TET3: variants seen among roughly 807,000 people sequenced by gnomAD.
TET3 encodes the protein tet methylcytosine dioxygenase 3.
A neutral mutation model predicts 141.4 loss-of-function variants in TET3; 19 were observed. That is an observed-to-expected ratio of 0.13 (90% CI 0.09 to 0.20). The LOEUF is 0.20. Among genes scored for constraint, TET3 ranks in the 10% least tolerant of loss-of-function variants. TET3 has a pLI of 1.00. For missense variants in TET3, 1,874 were observed against 2,356.9 expected, an observed-to-expected ratio of 0.80 and a Z score of 4.24; for synonymous variants, 1,043 against 980.9, an observed-to-expected ratio of 1.06 and a Z score of -1.18.
chr2:74,098,954 C>T (rs1282132592), intron 10 of TET3, among the ~76,000 whole-genome samples: 3 of 152,180 alleles, frequency 2.0e-5, no homozygotes, highest in Admixed American at 6.5e-5. Context: ...GGTGCTGTGG[C>T]GTCAGTGCTA....
chr2:74,022,563 C>A (rs1472612257), intron 3 of TET3, among the ~76,000 whole-genome samples: 5 of 149,584 alleles, frequency 3.3e-5, no homozygotes, highest in Admixed American at 6.7e-5. Flanking sequence ...AGTAGTTAAT[C>A]GGTTTATTAT....
At chr2:73,992,370 A>G (rs1558691924) in intron 2 of TET3, among the ~76,000 whole-genome samples, 1 of 149,908 alleles carries the variant, frequency 6.7e-6, no homozygotes, top group Non-Finnish European at 1.5e-5. Context: ...CTGGACTGCA[A>G]TGGCGTGATC....
chr2:74,115,574 T>A, the TET3 span, among the ~76,000 whole-genome samples: 1 of 152,162 alleles, frequency 6.6e-6, no homozygotes, highest in African/African-American at 2.4e-5. Flanking sequence ...TGTTGAAATA[T>A]TTAAAATTTT....
Position 74,099,487 on chromosome 2 carries a change from G to T in TET3, c.3479G>T (p.Arg1160Leu). 1.2e-6 allele frequency: 2 copies of T among 1,613,590 alleles called. No homozygotes were observed. The highest frequency in any genetic ancestry group is 1.7e-6 in the Non-Finnish European group (2 of 1,179,774). Residue 1160 changes from arginine to leucine, a missense_variant, in exon 11 of 12, where the codon CGC (arginine) becomes CTC (leucine). By Grantham distance (102) the Arg-to-Leu change is moderately radical. Around this residue, in one of 10 missense-constraint regions of TET3, gnomAD observed 53 missense variants for 112.8 expected, o/e 0.47. Coordinates refer to ENST00000409262, the MANE Select transcript of TET3 (RefSeq NM_001287491.2). Reference protein sequence around the residue: ...RRLPEPAKSCRQRQLEARKAA... With the variant: ...RRLPEPAKSCLQRQLEARKAA... ...CTGCCCGAGCCTGCCAAGTCCTGCC[G>T]CCAGCGGCAGCTGGAAGCCAGAAAG...
At chr2:74,074,734 T>C (rs1689398170) in intron 5 of TET3, among the ~76,000 whole-genome samples, 1 of 140,254 alleles carries the variant, frequency 7.1e-6, no homozygotes, top group South Asian at 2.1e-4. Context: ...ATAAACTGAA[T>C]TGATGAATTG....
At chr2:73,999,447 T>C (rs1573648569) in intron 2 of TET3, among the ~76,000 whole-genome samples, 1 of 152,216 alleles carries the variant, frequency 6.6e-6, no homozygotes, top group Admixed American at 6.5e-5. Flanking sequence ...CTTGATTTCT[T>C]GTAAATTCCC....
the TET3 span, among the ~76,000 whole-genome samples, chr2:74,119,887 T>A: frequency 6.6e-6 from 1 of 152,262 alleles, no homozygotes; most frequent in Non-Finnish European, 1.5e-5. Flanking sequence ...ACCCATGGAT[T>A]CTTTTTAATT....
the TET3 span, among the ~76,000 whole-genome samples, chr2:74,132,450 C>A: frequency 6.6e-6 from 1 of 152,210 alleles, no homozygotes; most frequent in Non-Finnish European, 1.5e-5. Context: ...TGCAATGACA[C>A]AATCACAGCT....
intron 3 of TET3, among the ~76,000 whole-genome samples, chr2:74,009,613 T>G (rs879761891): frequency 6.6e-6 from 1 of 152,228 alleles, no homozygotes. Flanking sequence ...CCTAGCACTG[T>G]GGATCTCTCT....
At chr2:74,022,506 G>A (rs1686107345) in intron 3 of TET3, among the ~76,000 whole-genome samples, 1 of 148,468 alleles carries the variant, frequency 6.7e-6, no homozygotes, top group Non-Finnish European at 1.5e-5. Context: ...TTTGTTTTTT[G>A]CCAAACTTTT....
At chr2:74,031,967 A>G (rs1038920178) in intron 3 of TET3, among the ~76,000 whole-genome samples, 1 of 152,236 alleles carries the variant, frequency 6.6e-6, no homozygotes, top group Non-Finnish European at 1.5e-5. Flanking sequence ...CCACTCACCA[A>G]TTCTGAGCTT....
intron 3 of TET3, among the ~76,000 whole-genome samples, chr2:74,013,562 C>T (rs1386209316): frequency 6.6e-6 from 1 of 151,946 alleles, no homozygotes; most frequent in African/African-American, 2.4e-5. Context: ...GTAATCCCAG[C>T]TCTTTGGGAG....
At chr2:74,109,845 T>G (rs1691661273), downstream of TET3, among the ~76,000 whole-genome samples, 1 of 152,196 alleles carries the variant, frequency 6.6e-6, no homozygotes, top group Non-Finnish European at 1.5e-5. Flanking sequence ...AGCCCCACGA[T>G]CTGGACACAC....
the TET3 span, among the ~76,000 whole-genome samples, chr2:74,133,503 T>C: frequency 6.6e-6 from 1 of 152,240 alleles, no homozygotes. Flanking sequence ...CTCACCCACA[T>C]GGCTCTTGTC....
chr2:74,052,138 C>T (rs1487471120), intron 4 of TET3, among the ~76,000 whole-genome samples: 1 of 152,152 alleles, frequency 6.6e-6, no homozygotes, highest in Non-Finnish European at 1.5e-5. Flanking sequence ...CACCACCATG[C>T]CTGGCTAACT....
the TET3 span, among the ~76,000 whole-genome samples, chr2:74,114,853 CAAAAA>C: frequency 1.1e-4 from 5 of 43,878 alleles, no homozygotes; most frequent in Admixed American, 7.0e-4. Context: ...GACTCTGTCT[CAAAAA>C]AAAAAAAAAA....
intron 4 of TET3, among the ~76,000 whole-genome samples, chr2:74,066,234 T>C (rs1029271313): frequency 7.9e-5 from 12 of 152,234 alleles, no homozygotes; most frequent in Non-Finnish European, 7.3e-5. Context: ...TTGATTTTTA[T>C]ATTTGTATCT....
chr2:74,002,868 C>G, intron 2 of TET3: 1 of 568,010 alleles, frequency 1.8e-6, no homozygotes, highest in Non-Finnish European at 3.2e-6. Flanking sequence ...TCTCGGATCT[C>G]GGGGGGATTC....
At chr2:74,085,328 C>A in intron 6 of TET3, among the ~76,000 whole-genome samples, 1 of 152,178 alleles carries the variant, frequency 6.6e-6, no homozygotes, top group Admixed American at 6.5e-5. Flanking sequence ...GGGGCAGATG[C>A]TTTTCACTTT....
Sources: gnomAD v4.1 joint callset for allele counts (sites outside exome capture counted in the v4.1 genomes callset) on GRCh38, gnomAD v4.1.1 for gene constraint, gnomAD v4.1.1 regional missense constraint, MANE v1.5 for transcripts, NCBI Gene and HGNC (gene_info 2026-07-23, HGNC 2026-07-21) for gene names.